NAA15: variants seen among roughly 807,000 people sequenced by gnomAD.
NAA15 encodes N-alpha-acetyltransferase 15, NatA auxiliary subunit.
NAA15 carries 34 observed loss-of-function variants against 114.0 expected under a neutral mutation model. The observed-to-expected ratio is 0.30, with a 90% CI of 0.23 to 0.40. NAA15 has a LOEUF of 0.40. NAA15 is among the 10% of genes least tolerant of loss of function. The pLI, the probability that NAA15 is intolerant of heterozygous loss-of-function variation, is 1.00. For synonymous variants in NAA15, 340 were observed against 338.0 expected (o/e 1.01, Z -0.06); for missense variants, 658 against 1,004.5 (o/e 0.66, Z 4.66).
intron 3 of NAA15, among the ~76,000 whole-genome samples, chr4:139,339,418 GC>G (rs1747311790): frequency 1.3e-5 from 2 of 152,098 alleles, no homozygotes; most frequent in Non-Finnish European, 2.9e-5. Flanking sequence ...GATTGTTTGA[GC>G]CCAGGAGTTT....
chr4:139,344,480 A>C, intron 6 of NAA15, 141 bp downstream of exon 6: 1 of 614,428 alleles, frequency 1.6e-6, no homozygotes, highest in Non-Finnish European at 2.7e-6. Context: ...TACTTTTAAT[A>C]GTTTATGATG....
At chr4:139,355,927 C>G (rs1210288258) in intron 10 of NAA15, among the ~76,000 whole-genome samples, 1 of 152,158 alleles carries the variant, frequency 6.6e-6, no homozygotes, top group Non-Finnish European at 1.5e-5. Flanking sequence ...TTTTCTTCCT[C>G]TATTACCTGT....
chr4:139,372,898 T>G (rs1405385540), intron 15 of NAA15, among the ~76,000 whole-genome samples: 2 of 152,072 alleles, frequency 1.3e-5, no homozygotes, highest in Admixed American at 1.3e-4. Context: ...TTTTTTTGTT[T>G]TCTTTTGAGA....
rs373488592 is a variant in NAA15, at chr4:139,351,515, T to G, written c.918T>G (p.Phe306Leu). The G allele has an allele frequency of 1.9e-6, 3 of 1,592,142 alleles. No individual in the cohort carries two copies. In the South Asian group the frequency reaches 3.3e-5, roughly 18 times the overall value. ...LPLNFLSGEK[F>L]KECLDKFLRM... Reference sequence around the variant, plus strand: ...TTTTTCTCTTCCAAGGTGAGAAGTTTAAAGAATGTTTGGATAAGTTCCTAA... The same window carrying G: ...TTTTTCTCTTCCAAGGTGAGAAGTTGAAAGAATGTTTGGATAAGTTCCTAA... Residue 306 changes from phenylalanine (F) to leucine (L), a missense_variant, in exon 9 of 20, where the codon TTT becomes TTG. Physicochemically the swap from Phe to Leu is conservative, Grantham distance 22. Transcript: ENST00000296543.
intron 7 of NAA15, among the ~76,000 whole-genome samples, chr4:139,349,818 C>T (rs534821398): frequency 1.2e-4 from 18 of 152,032 alleles, no homozygotes; most frequent in Non-Finnish European, 2.1e-4. Context: ...AACCCTGTCT[C>T]TACTAAAATA....
intron 1 of NAA15, among the ~76,000 whole-genome samples, chr4:139,325,927 T>C (rs1391409447): frequency 1.3e-5 from 2 of 152,230 alleles, no homozygotes; most frequent in African/African-American, 2.4e-5. Context: ...GCCCAGCCGT[T>C]GTCTGTTTTT....
chr4:139,372,240 TC>T lies in NAA15; in HGVS notation c.1947+1837del, dbSNP rs1748463580. 2.0e-5 allele frequency among the ~76,000 whole-genome samples: 3 copies of T among 152,278 alleles called. No homozygotes were observed. The South Asian group carries it at 6.2e-4, about 32-fold the overall frequency. On this transcript the variant is annotated intron_variant, in intron 15 of 19. Coordinates refer to ENST00000296543, the MANE Select transcript of NAA15 (RefSeq NM_057175.5). ...CCATGTATTTCTTAAGGAGAGGATC[TC>T]TTTTGATTATTTAGTTACTGTTTAA...
intron 4 of NAA15, among the ~76,000 whole-genome samples, chr4:139,342,474 T>TGC (rs1395388742): frequency 3.6e-5 from 5 of 139,148 alleles, no homozygotes; most frequent in Non-Finnish European, 7.5e-5. Flanking sequence ...GATAAATTAA[T>TGC]GTGTGTTTTT....
chr4:139,343,997 C>A (rs1336368157), intron 5 of NAA15, among the ~76,000 whole-genome samples, 189 bp from the exon 6 acceptor site: 1 of 152,126 alleles, frequency 6.6e-6, no homozygotes, highest in East Asian at 1.9e-4. Flanking sequence ...TTATTTTATT[C>A]AACCTGTTAT....
intron 7 of NAA15, among the ~76,000 whole-genome samples, chr4:139,350,004 A>T (rs190795691): frequency 1.3e-5 from 2 of 152,094 alleles, no homozygotes; most frequent in African/African-American, 4.8e-5. Context: ...AAATCTGAAT[A>T]CAAAAGTACA....
At chr4:139,311,004 AAC>A (rs1227310334) in intron 1 of NAA15, among the ~76,000 whole-genome samples, 1 of 149,734 alleles carries the variant, frequency 6.7e-6, no homozygotes, top group Non-Finnish European at 1.5e-5. Flanking sequence ...GGCTCACTGC[AAC>A]CTCTGTCTCC....
At chr4:139,309,792 A>G (rs1746156479) in intron 1 of NAA15, among the ~76,000 whole-genome samples, 1 of 152,196 alleles carries the variant, frequency 6.6e-6, no homozygotes, top group Non-Finnish European at 1.5e-5. Flanking sequence ...TTCAGTTTTC[A>G]ATAGTAGTAG....
At position 139,349,545 on chromosome 4, in the gene NAA15, G is replaced by C; in HGVS notation, c.775G>C (p.Ala259Pro). ...GLQERNPENW[A>P]YYKGLEKALK... ...GCAAGAGAGAAATCCTGAAAACTGG[G>C]CCTATTACAAAGGCTTGGAAAAAGC... The change falls in exon 7 of 20, where the codon GCC becomes CCC. Residue 259 changes from alanine (A) to proline (P), a missense_variant. By Grantham distance (27) the Ala-to-Pro change is conservative. Around this residue, in one of 6 missense-constraint regions of NAA15, gnomAD observed 281 missense variants for 389.1 expected, o/e 0.72. Transcript: ENST00000296543. 2 of 1,611,854 alleles carry C rather than the reference G, an allele frequency of 1.2e-6. No homozygotes were observed. Among genetic ancestry groups the C allele is most frequent in the Non-Finnish European group, 1.7e-6 (2 of 1,179,392 alleles).
intron 14 of NAA15, among the ~76,000 whole-genome samples, chr4:139,365,862 AAGAG>A (rs912462974): frequency 6.6e-6 from 1 of 152,116 alleles, no homozygotes; most frequent in Non-Finnish European, 1.5e-5. Flanking sequence ...GAAAAAAAGA[AAGAG>A]AGAAAAAATA....
At chr4:139,325,100 T>C (rs1456350467) in intron 1 of NAA15, among the ~76,000 whole-genome samples, 1 of 143,824 alleles carries the variant, frequency 7.0e-6, no homozygotes, top group South Asian at 2.2e-4. Flanking sequence ...TGTAAACATA[T>C]CTCATTCAAG....
chr4:139,338,742 C>G (rs1747280360), intron 3 of NAA15, among the ~76,000 whole-genome samples: 1 of 152,066 alleles, frequency 6.6e-6, no homozygotes, highest in Admixed American at 6.6e-5. Flanking sequence ...GCCACCATGC[C>G]TGGCCAACAT....
intron 15 of NAA15, among the ~76,000 whole-genome samples, chr4:139,373,620 T>G (rs1748501865): frequency 6.6e-6 from 1 of 152,144 alleles, no homozygotes; most frequent in Admixed American, 6.5e-5. Context: ...AGGCATTAGT[T>G]GGTATTTATG....
intron 14 of NAA15, among the ~76,000 whole-genome samples, chr4:139,366,359 G>A (rs1748284265): frequency 6.6e-6 from 1 of 152,080 alleles, no homozygotes; most frequent in Non-Finnish European, 1.5e-5. Context: ...TCTCTCCATA[G>A]TTTCTAAAGT....
Position 139,388,200 on chromosome 4 carries a change from G to A in NAA15, c.*116G>A. On this transcript the variant is annotated 3_prime_UTR_variant, in exon 20 of 20. Coordinates refer to ENST00000296543, the MANE Select transcript of NAA15 (RefSeq NM_057175.5). ...CAGAATGAGAGGAGTAAATGTTCTT[G>A]CCTTCAAATAGTGTTTTACGTTTTT... The A allele has an allele frequency of 1.3e-6, 1 of 790,896 alleles. No homozygotes were observed. The highest frequency in any genetic ancestry group is 2.7e-5 in the East Asian group (1 of 36,756). 49.0% of individuals were successfully genotyped at this position (790,896 alleles called of 1,614,324 possible).
Sources: allele counts gnomAD v4.1 joint callset (sites outside exome capture counted in the v4.1 genomes callset), GRCh38; gene constraint gnomAD v4.1.1; regional missense constraint gnomAD v4.1.1; transcripts MANE v1.5; gene names NCBI Gene and HGNC (gene_info 2026-07-23, HGNC 2026-07-21).